Variants in PHF20 observed in about 807,000 individuals in gnomAD.
The protein encoded by PHF20 is PHD finger protein 20, also known as glioma-expressed antigen 2.
In PHF20, 23 loss-of-function variants were observed where a neutral mutation model predicts 113.5. The ratio of observed to expected loss-of-function variants is 0.20; its 90% CI spans 0.15 to 0.29. PHF20 has a LOEUF of 0.29. Ranked by LOEUF, PHF20 falls within the 10% of genes least tolerant of loss-of-function variation. The pLI, the probability that PHF20 is intolerant of heterozygous loss-of-function variation, is 1.00. For synonymous variants in PHF20, 434 were observed against 457.3 expected (o/e 0.95, Z 0.65); for missense variants, 943 against 1,219.6 (o/e 0.77, Z 3.38).
intron 12 of PHF20, among the ~76,000 whole-genome samples, chr20:35,916,658 A>G (rs2055409221): frequency 1.3e-5 from 2 of 152,040 alleles, no homozygotes; most frequent in African/African-American, 2.4e-5. Flanking sequence ...TAGTAGAGAC[A>G]GGGTTTCACC....
chr20:35,909,043 G>A (rs970648301), intron 10 of PHF20, among the ~76,000 whole-genome samples: 12 of 151,910 alleles, frequency 7.9e-5, no homozygotes, highest in African/African-American at 2.2e-4. Flanking sequence ...TATTCCACTC[G>A]CTAAGATTTC....
chr20:35,901,844 C>G lies in PHF20; in HGVS notation c.1561+2196C>G, dbSNP rs898721594. ...GGAGCTGGGCACATGGGTTGTGAAT[C>G]CCATCTGTTGCCTCAGTCACTGTTG... On this transcript the variant is annotated intron_variant, in intron 10 of 17. Coordinates refer to ENST00000374012, the MANE Select transcript of PHF20 (RefSeq NM_016436.5). 3.9e-5 allele frequency among the ~76,000 whole-genome samples: 6 copies of G among 152,300 alleles called. No individual in the cohort carries two copies. In the South Asian group the frequency reaches 1.2e-3, roughly 32 times the overall value.
chr20:35,889,618 C>T (rs532832609), intron 9 of PHF20, among the ~76,000 whole-genome samples: 18 of 152,132 alleles, frequency 1.2e-4, no homozygotes, highest in South Asian at 4.1e-4. Context: ...CCATCTCAGC[C>T]TCCTAGAGTG....
At chr20:35,779,059 G>T (rs1318244997) in intron 1 of PHF20, among the ~76,000 whole-genome samples, 1 of 150,306 alleles carries the variant, frequency 6.7e-6, no homozygotes, top group African/African-American at 2.4e-5. Flanking sequence ...TTTTTGAGGT[G>T]GAGTCTCACT....
In PHF20 at chr20:35,843,497, G is replaced by A. The variant is rs576266777; in HGVS notation, c.255+753G>A. ...TGATCATGCCACTCCACTCCAGCCCGGGTGACAGAGTGATATTCCATCTCA... is the reference window on the plus strand; with the variant it reads ...TGATCATGCCACTCCACTCCAGCCCAGGTGACAGAGTGATATTCCATCTCA... On this transcript the variant is annotated intron_variant, in intron 3 of 17. Transcript: ENST00000374012. Among the ~76,000 whole-genome samples the A allele has an allele frequency of 1.2e-4, 18 of 147,768 alleles. No individual in the cohort carries two copies. The East Asian group carries it at 3.6e-3, about 30-fold the overall frequency.
intron 10 of PHF20, among the ~76,000 whole-genome samples, chr20:35,911,917 C>T (rs997433029): frequency 2.0e-5 from 3 of 152,022 alleles, no homozygotes; most frequent in African/African-American, 7.3e-5. Context: ...CCTTGGCCTC[C>T]CAAAGTGCTG....
At chr20:35,797,850 C>T (rs181954112) in intron 1 of PHF20, among the ~76,000 whole-genome samples, 3 of 151,938 alleles carry the variant, frequency 2.0e-5, no homozygotes, top group African/African-American at 7.2e-5. Flanking sequence ...CGGGGTTTCA[C>T]CATGTTGGCT....
At chr20:35,833,534 A>G (rs952029781) in intron 2 of PHF20, among the ~76,000 whole-genome samples, 3 of 152,106 alleles carry the variant, frequency 2.0e-5, no homozygotes, top group East Asian at 1.9e-4. Context: ...GTTTGTTTAT[A>G]TATTTCTATT....
intron 2 of PHF20, among the ~76,000 whole-genome samples, chr20:35,803,375 G>C (rs1260785794): frequency 2.0e-5 from 3 of 151,256 alleles, no homozygotes; most frequent in Non-Finnish European, 4.4e-5. Context: ...TCAGGCTGGA[G>C]TGTAGTGGCG....
rs557282909 is a variant in PHF20, at chr20:35,937,205, G to A, written c.2301-1492G>A. On this transcript the variant is annotated intron_variant, in intron 15 of 17. Coordinates refer to ENST00000374012, the MANE Select transcript of PHF20 (RefSeq NM_016436.5). ...CCAGTCGCCAGGCTTGGTGGCTCAC[G>A]CCTTTGGGCTCCCAGCACTTTGGGA... 6.6e-5 allele frequency among the ~76,000 whole-genome samples: 10 copies of A among 152,172 alleles called. No individual in the cohort carries two copies. The South Asian group carries it at 1.2e-3, about 19-fold the overall frequency.
chr20:35,921,930 T>C (rs1408547714), intron 13 of PHF20, among the ~76,000 whole-genome samples: 1 of 152,216 alleles, frequency 6.6e-6, no homozygotes, highest in Non-Finnish European at 1.5e-5. Flanking sequence ...CTATTCTGTC[T>C]AACAGTATGT....
chr20:35,896,382 TA>T (rs989779071), intron 9 of PHF20, among the ~76,000 whole-genome samples: 1 of 151,974 alleles, frequency 6.6e-6, no homozygotes, highest in African/African-American at 2.4e-5. Flanking sequence ...CCTAATTTTT[TA>T]AAAAAAGATC....
At chr20:35,840,371 G>A (rs2042517607) in intron 2 of PHF20, among the ~76,000 whole-genome samples, 1 of 152,112 alleles carries the variant, frequency 6.6e-6, no homozygotes. Flanking sequence ...CTCTTATCCA[G>A]ATACCTCTCT....
At chr20:35,925,697 A>ATT (rs373749838) in intron 13 of PHF20, among the ~76,000 whole-genome samples, 29 of 140,648 alleles carry the variant, frequency 2.1e-4, no homozygotes, top group Non-Finnish European at 2.8e-4. Context: ...TAGTATTTAC[A>ATT]TTTTTTTTTT....
intron 17 of PHF20, among the ~76,000 whole-genome samples, chr20:35,943,377 C>T (rs1471605376): frequency 1.3e-5 from 2 of 151,040 alleles, no homozygotes; most frequent in South Asian, 2.1e-4. Flanking sequence ...GCTGACCTGG[C>T]GTGGTGGCTC....
At chr20:35,944,352 T>G (rs2056046975) in intron 17 of PHF20, among the ~76,000 whole-genome samples, 1 of 152,208 alleles carries the variant, frequency 6.6e-6, no homozygotes, top group Admixed American at 6.5e-5. Context: ...TCTTCCAGTC[T>G]GAGCGTTGGT....
At chr20:35,776,649 C>G (rs1027294889) in intron 1 of PHF20, among the ~76,000 whole-genome samples, 4 of 152,202 alleles carry the variant, frequency 2.6e-5, no homozygotes, top group African/African-American at 4.8e-5. Context: ...GTTGCCAGCC[C>G]TAATCAGGAC....
In PHF20 at chr20:35,787,193, A is replaced by C. The variant is rs946728888; in HGVS notation, c.-32-14298A>C. Reference sequence around the variant, plus strand: ...TATTTATTTATTTATTTATTTATTTATTTCAGACAGAGTTTCACTCTTGTT... The same window carrying C: ...TATTTATTTATTTATTTATTTATTTCTTTCAGACAGAGTTTCACTCTTGTT... On this transcript the variant is annotated intron_variant, in intron 1 of 17. Transcript: ENST00000374012. Among the ~76,000 whole-genome samples the C allele has an allele frequency of 5.3e-5, 6 of 112,746 alleles. No individual in the cohort carries two copies. In the Admixed American group the frequency reaches 5.8e-4, roughly 11 times the overall value. 74.0% of individuals were successfully genotyped at this position (112,746 alleles called of 152,430 possible).
intron 17 of PHF20, among the ~76,000 whole-genome samples, chr20:35,944,397 G>A (rs1020999477): frequency 1.3e-5 from 2 of 152,078 alleles, no homozygotes; most frequent in African/African-American, 2.4e-5. Flanking sequence ...CTGGGCCACC[G>A]TAGTATCGGG....
Sources: allele counts gnomAD v4.1 joint callset (sites outside exome capture counted in the v4.1 genomes callset), GRCh38; gene constraint gnomAD v4.1.1; transcripts MANE v1.5; gene names NCBI Gene and HGNC (gene_info 2026-07-23, HGNC 2026-07-21).